The following LYPD6B variants were observed in gnomAD, a reference collection of about 807,000 sequenced individuals.
The protein encoded by LYPD6B is LY6/PLAUR domain containing 6B, also known as ly6/PLAUR domain-containing protein 6B.
Under a neutral mutation model 22.8 loss-of-function variants are expected in LYPD6B, and 17 were observed. The ratio of observed to expected loss-of-function variants is 0.75; its 90% CI spans 0.51 to 1.12. The LOEUF (loss-of-function observed/expected upper bound fraction) is 1.12, where lower values mean the gene tolerates loss of function less well. Among genes scored for constraint, LYPD6B ranks in the 50% most tolerant of loss-of-function variants. The pLI is 0.00. For synonymous variants in LYPD6B, 106 were observed against 91.6 expected (o/e 1.16, Z -0.90); for missense variants, 221 against 258.3 (o/e 0.86, Z 0.99).
chr2:149,213,001 A>T lies in LYPD6B; in HGVS notation c.338A>T (p.Tyr113Phe). Residue 113 changes from tyrosine to phenylalanine, a missense_variant, in exon 6 of 7, where the codon TAC (tyrosine) becomes TTC (phenylalanine). By Grantham distance (22) the Tyr-to-Phe change is conservative. Coordinates refer to ENST00000409642, the MANE Select transcript of LYPD6B (RefSeq NM_177964.5). ...EDKWCPQNTQ[Y>F]CLTVHHFTSH... Reference sequence around the variant, plus strand: ...GTTTCCTCTTGCCTAGATACACAGTACTGTTTGACAGTTCATCACTTCACC... The same window carrying T: ...GTTTCCTCTTGCCTAGATACACAGTTCTGTTTGACAGTTCATCACTTCACC... The T allele has an allele frequency of 6.2e-7, 1 of 1,613,932 alleles. No homozygotes were observed. Among genetic ancestry groups the T allele is most frequent in the Non-Finnish European group, 8.5e-7 (1 of 1,179,848 alleles).
chr2:149,099,807 T>C (rs544730611), intron 1 of LYPD6B, among the ~76,000 whole-genome samples: 74 of 152,298 alleles, frequency 4.9e-4, no homozygotes, highest in Non-Finnish European at 9.7e-4. Flanking sequence ...GGTGAGACTA[T>C]TGTCTATGAT....
At chr2:149,068,718 C>CATCCT (rs1406562361) in intron 1 of LYPD6B, 1 of 546,378 alleles carries the variant, frequency 1.8e-6, no homozygotes, top group African/African-American at 1.9e-5. Flanking sequence ...TCTGAAGCAA[C>CATCCT]ATCCTGACAG....
At chr2:149,174,772 G>C (rs961453516) in intron 3 of LYPD6B, among the ~76,000 whole-genome samples, 1 of 151,244 alleles carries the variant, frequency 6.6e-6, no homozygotes, top group East Asian at 2.0e-4. Flanking sequence ...TGTGCTGCTG[G>C]ATTCCTGTCA....
intron 1 of LYPD6B, among the ~76,000 whole-genome samples, chr2:149,130,216 C>T (rs6725015): frequency 0.2 from 31,001 of 152,162 alleles, 3,280 homozygotes; most frequent in East Asian, 0.37. Context: ...ATCTACTGAT[C>T]TGTCCCCCAG....
intron 2 of LYPD6B, among the ~76,000 whole-genome samples, chr2:149,145,151 T>C (rs539036519): frequency 6.6e-6 from 1 of 152,304 alleles, no homozygotes; most frequent in South Asian, 2.1e-4. Context: ...TTAAAATCAG[T>C]ACCACTGATG....
chr2:149,181,283 C>T lies in LYPD6B; in HGVS notation c.77+20448C>T, dbSNP rs141857761. Among the ~76,000 whole-genome samples, 273 of 152,224 alleles carry T rather than the reference C, an allele frequency of 1.8e-3. 1 individual carries two copies. The highest frequency in any genetic ancestry group is 5.6e-3 in the African/African-American group (233 of 41,526). On this transcript the variant is annotated intron_variant, in intron 3 of 6. Coordinates refer to ENST00000409642, the MANE Select transcript of LYPD6B (RefSeq NM_177964.5). ...CTTTGTTAATCCTGAATCCTGGAGA[C>T]GGCGTATCTTATAGGTTTTAAGCGA...
chr2:149,039,910 G>T (rs192399350), intron 1 of LYPD6B, among the ~76,000 whole-genome samples: 122 of 152,308 alleles, frequency 8.0e-4, no homozygotes, highest in African/African-American at 2.8e-3. Flanking sequence ...TTGGGTTTTG[G>T]TCACTTGAAA....
chr2:149,133,383 G>A (rs190120287), intron 2 of LYPD6B, among the ~76,000 whole-genome samples: 1 of 152,298 alleles, frequency 6.6e-6, no homozygotes, highest in East Asian at 1.9e-4. Context: ...GATAATTAGT[G>A]GATCTTAGTA....
chr2:149,042,506 C>G (rs1574860579), intron 1 of LYPD6B, among the ~76,000 whole-genome samples: 1 of 152,138 alleles, frequency 6.6e-6, no homozygotes, highest in Non-Finnish European at 1.5e-5. Context: ...TTTTCAGCAA[C>G]AATACTGCCA....
intron 3 of LYPD6B, among the ~76,000 whole-genome samples, chr2:149,203,828 A>G (rs1693327669): frequency 6.6e-6 from 1 of 152,180 alleles, no homozygotes; most frequent in Non-Finnish European, 1.5e-5. Flanking sequence ...GTGGCTATGT[A>G]TTGTCTAATA....
chr2:149,133,829 T>G (rs1318460822), intron 2 of LYPD6B, among the ~76,000 whole-genome samples: 1 of 152,070 alleles, frequency 6.6e-6, no homozygotes, highest in Non-Finnish European at 1.5e-5. Context: ...ATAAAGAAAA[T>G]CCATTTAGCA....
At chr2:149,068,525 T>C (rs993102111) in intron 1 of LYPD6B, 7 of 286,720 alleles carry the variant, frequency 2.4e-5, no homozygotes, top group African/African-American at 6.6e-5. Context: ...TACTTTATAC[T>C]TTTTATAAAT....
chr2:149,107,304 G>A (rs1242102896), intron 1 of LYPD6B, among the ~76,000 whole-genome samples: 7 of 152,142 alleles, frequency 4.6e-5, no homozygotes, highest in East Asian at 3.8e-4. Context: ...GGGACAAAGC[G>A]ATGTTTTACC....
intron 3 of LYPD6B, among the ~76,000 whole-genome samples, chr2:149,167,292 A>AG (rs1184572993): frequency 6.6e-6 from 1 of 152,100 alleles, no homozygotes; most frequent in East Asian, 1.9e-4. Flanking sequence ...CTTTTGTTTC[A>AG]GGGGGCTTTG....
At chr2:149,082,066 G>A (rs1334566232) in intron 1 of LYPD6B, among the ~76,000 whole-genome samples, 1 of 152,110 alleles carries the variant, frequency 6.6e-6, no homozygotes, top group South Asian at 2.1e-4. Context: ...TCATGTTGCT[G>A]CTCTCACAGA....
intron 1 of LYPD6B, among the ~76,000 whole-genome samples, chr2:149,128,645 G>A (rs906100463): frequency 3.9e-5 from 6 of 152,212 alleles, no homozygotes; most frequent in Non-Finnish European, 8.8e-5. Context: ...ATGGTGGTAA[G>A]AGGGTCTTTG....
chr2:149,054,772 A>G (rs2377515), intron 1 of LYPD6B, among the ~76,000 whole-genome samples: 127,782 of 151,878 alleles, frequency 0.84, 54,305 homozygotes, highest in East Asian at 0.98. Flanking sequence ...CCAGCTACCC[A>G]GGTGGCTGAG....
At chr2:149,103,626 G>A (rs905251366) in intron 1 of LYPD6B, among the ~76,000 whole-genome samples, 1 of 151,956 alleles carries the variant, frequency 6.6e-6, no homozygotes, top group Non-Finnish European at 1.5e-5. Flanking sequence ...GTTTTCTCTT[G>A]CCCCTTGGAA....
intron 1 of LYPD6B, among the ~76,000 whole-genome samples, chr2:149,076,258 A>T (rs1026011727): frequency 3.3e-5 from 5 of 152,142 alleles, no homozygotes; most frequent in African/African-American, 1.2e-4. Context: ...AGCAGCCTGG[A>T]CAGACTAGAT....
Sources: gnomAD v4.1 joint callset for allele counts (sites outside exome capture counted in the v4.1 genomes callset) on GRCh38, gnomAD v4.1.1 for gene constraint, MANE v1.5 for transcripts, NCBI Gene and HGNC (gene_info 2026-07-23, HGNC 2026-07-21) for gene names.